The following TTC3 variants were observed in gnomAD, a reference collection of about 807,000 sequenced individuals.
The protein encoded by TTC3 is E3 ubiquitin-protein ligase TTC3.
A neutral mutation model predicts 249.6 loss-of-function variants in TTC3; 180 were observed. The observed-to-expected ratio is 0.72, with a 90% CI of 0.64 to 0.82. The LOEUF (loss-of-function observed/expected upper bound fraction) is 0.82. Among genes scored for constraint, TTC3 ranks in the 40% least tolerant of loss-of-function variants. The pLI, the probability that TTC3 is intolerant of heterozygous loss-of-function variation, is 0.00. For synonymous variants in TTC3, 717 were observed against 805.0 expected (o/e 0.89, Z 1.85); for missense variants, 2,061 against 2,398.4 (o/e 0.86, Z 2.94).
At chr21:37,143,010 C>T (rs2078637509) in intron 20 of TTC3, among the ~76,000 whole-genome samples, 1 of 152,148 alleles carries the variant, frequency 6.6e-6, no homozygotes, top group Non-Finnish European at 1.5e-5. Context: ...ATTCACTATT[C>T]AACAAATGGT....
chr21:37,096,850 A>G, intron 10 of TTC3: 1 of 441,904 alleles, frequency 2.3e-6, no homozygotes, highest in Non-Finnish European at 4.0e-6. Flanking sequence ...GACATATGTT[A>G]AGCATTATTT....
chr21:37,162,226 T>C (rs1249350372), intron 31 of TTC3, among the ~76,000 whole-genome samples, 163 bp downstream of exon 31: 2 of 152,230 alleles, frequency 1.3e-5, no homozygotes, highest in Non-Finnish European at 2.9e-5. Context: ...ATTACATTTA[T>C]ATAGTGTGGC....
At chr21:37,093,134 T>C (rs1284569484) in intron 7 of TTC3, among the ~76,000 whole-genome samples, 1 of 151,994 alleles carries the variant, frequency 6.6e-6, no homozygotes, top group Non-Finnish European at 1.5e-5. Flanking sequence ...TCTCAACACT[T>C]TGGGAGGCCG....
At chr21:37,163,196 T>C (rs1384329020) in intron 31 of TTC3, among the ~76,000 whole-genome samples, 2 of 152,196 alleles carry the variant, frequency 1.3e-5, no homozygotes, top group Non-Finnish European at 2.9e-5. Flanking sequence ...TTCTGTCCAA[T>C]GTACAGATAA....
chr21:37,124,476 A>G, intron 13 of TTC3, 143 bp from the exon 14 acceptor site: 1 of 783,348 alleles, frequency 1.3e-6, no homozygotes, highest in Non-Finnish European at 2.0e-6. Context: ...GTTTATGTAT[A>G]AAGCCCCATC....
At chr21:37,176,551 T>G (rs2148127390) in intron 35 of TTC3, among the ~76,000 whole-genome samples, 1 of 152,330 alleles carries the variant, frequency 6.6e-6, no homozygotes, top group Middle Eastern at 3.4e-3. Flanking sequence ...CAAAACTTCC[T>G]CAGCCCACAC....
At chr21:37,185,591 A>T in intron 36 of TTC3, 115 bp from the exon 37 acceptor site, 1 of 493,924 alleles carries the variant, frequency 2.0e-6, no homozygotes, top group Non-Finnish European at 3.5e-6. Flanking sequence ...ATGTAAAAAT[A>T]TATATATTAA....
chr21:37,140,436 G>T, intron 19 of TTC3, 125 bp from the exon 20 acceptor site: 1 of 593,572 alleles, frequency 1.7e-6, no homozygotes, highest in Non-Finnish European at 2.8e-6. Context: ...GTATAATTTT[G>T]CCACAGGAAT....
At chr21:37,196,115 G>A (rs1350152994) in intron 42 of TTC3, 79 bp downstream of exon 42, 17 of 1,542,146 alleles carry the variant, frequency 1.1e-5, no homozygotes, top group Admixed American at 3.9e-5. Context: ...ATCATGGCTA[G>A]TTAGGTGTTA....
intron 11 of TTC3, among the ~76,000 whole-genome samples, chr21:37,112,376 G>A (rs9680283): frequency 0.68 from 103,365 of 152,050 alleles, 35,547 homozygotes; most frequent in African/African-American, 0.76. Flanking sequence ...CTGATCCCAT[G>A]GAAATACAAA....
At chr21:37,194,146 A>G (rs1390490280) in intron 41 of TTC3, among the ~76,000 whole-genome samples, 1 of 152,238 alleles carries the variant, frequency 6.6e-6, no homozygotes, top group African/African-American at 2.4e-5. Context: ...TAGCTTCATT[A>G]GACCAGACAG....
rs776023938 is a variant in TTC3 at position 37,172,749 on chromosome 21, T to C, written c.4617+5T>C. ...AGGCACTTAGAAGAAAACAAGGTAA[T>C]CCTGTCTGAAACCTGTCTTTAATTG... On this transcript the variant is annotated splice_donor_5th_base_variant and intron_variant, in intron 35 of 45. Coordinates refer to ENST00000355666, the Ensembl canonical transcript of TTC3. The C allele has an allele frequency of 1.1e-5, 17 of 1,613,450 alleles. No homozygotes were observed. The highest frequency in any genetic ancestry group is 2.2e-5 in the East Asian group (1 of 44,878).
intron 10 of TTC3, among the ~76,000 whole-genome samples, chr21:37,100,605 A>G (rs2074384951): frequency 6.6e-6 from 1 of 152,212 alleles, no homozygotes; most frequent in African/African-American, 2.4e-5. Flanking sequence ...AGTTAGGCCA[A>G]GAGCCTTTCA....
At chr21:37,167,410 G>T in intron 33 of TTC3, 145 bp from the exon 34 acceptor site, 4 of 563,420 alleles carry the variant, frequency 7.1e-6, no homozygotes, top group Non-Finnish European at 9.5e-6. Context: ...TAATATACAT[G>T]TTTACGGAAA....
chr21:37,174,249 TA>T (rs1361920991), intron 35 of TTC3, among the ~76,000 whole-genome samples: 1 of 152,216 alleles, frequency 6.6e-6, no homozygotes, highest in Non-Finnish European at 1.5e-5. Flanking sequence ...TTTAACTTGT[TA>T]AGGCTTTGAG....
At chr21:37,099,443 G>C (rs1182257361) in intron 10 of TTC3, among the ~76,000 whole-genome samples, 2 of 152,154 alleles carry the variant, frequency 1.3e-5, no homozygotes, top group Non-Finnish European at 2.9e-5. Context: ...CAGGCAGCCT[G>C]GATGTAGAGT....
chr21:37,113,711 A>C (rs1188924946), intron 11 of TTC3, among the ~76,000 whole-genome samples: 1 of 152,232 alleles, frequency 6.6e-6, no homozygotes, highest in Non-Finnish European at 1.5e-5. Flanking sequence ...GGAACCAAAA[A>C]AGAGCCCACA....
At chr21:37,159,434 T>C in intron 28 of TTC3, 1 of 408,028 alleles carries the variant, frequency 2.5e-6, no homozygotes, top group Non-Finnish European at 4.3e-6. Flanking sequence ...TGTGCATCTC[T>C]ATTCCCAGGA....
chr21:37,168,291 T>G (rs2081422261), intron 34 of TTC3, among the ~76,000 whole-genome samples: 3 of 152,102 alleles, frequency 2.0e-5, no homozygotes, highest in African/African-American at 7.2e-5. Context: ...GTATATTAAC[T>G]GAGAAAGCAG....
Sources: gnomAD v4.1 joint callset for allele counts (sites outside exome capture counted in the v4.1 genomes callset) on GRCh38, gnomAD v4.1.1 for gene constraint, MANE v1.5 for transcripts, NCBI Gene and HGNC (gene_info 2026-07-23, HGNC 2026-07-21) for gene names.